Variants in TENM3 observed in about 807,000 individuals in gnomAD.
TENM3 encodes teneurin transmembrane protein 3.
Under a neutral mutation model 255.1 loss-of-function variants are expected in TENM3, and 63 were observed. The observed-to-expected ratio is 0.25, with a 90% CI of 0.20 to 0.30. The LOEUF is 0.30. Ranked by LOEUF, TENM3 falls within the 10% of genes least tolerant of loss-of-function variation. The probability of loss-of-function intolerance (pLI) is 1.00; values close to 1 mark genes in which losing one functional copy is unlikely to be tolerated. For missense variants in TENM3, 2,929 were observed against 3,461.1 expected, an observed-to-expected ratio of 0.85 and a Z score of 3.86; for synonymous variants, 1,306 against 1,322.3, an observed-to-expected ratio of 0.99 and a Z score of 0.27.
chr4:182,034,193 C>A, the TENM3 span, among the ~76,000 whole-genome samples: 1 of 152,280 alleles, frequency 6.6e-6, no homozygotes, highest in Middle Eastern at 3.4e-3. Flanking sequence ...GGAGGCCACT[C>A]CCATGATTCA....
chr4:181,941,835 T>C, the TENM3 span, among the ~76,000 whole-genome samples: 1 of 152,218 alleles, frequency 6.6e-6, no homozygotes, highest in Non-Finnish European at 1.5e-5. Flanking sequence ...TTCACAGGAC[T>C]GACATGAGTG....
chr4:182,166,174 T>C (rs771322937), intron 1 of TENM3, among the ~76,000 whole-genome samples: 5 of 152,232 alleles, frequency 3.3e-5, no homozygotes, highest in Non-Finnish European at 5.9e-5. Context: ...TGTGGCTGTT[T>C]CGTAAAGATA....
the TENM3 span, among the ~76,000 whole-genome samples, chr4:182,067,778 G>C: frequency 6.6e-6 from 1 of 152,134 alleles, no homozygotes; most frequent in Non-Finnish European, 1.5e-5. Context: ...CTGCAGTATA[G>C]GATGATTTCA....
chr4:182,786,417 G>A (rs548406421), intron 24 of TENM3, among the ~76,000 whole-genome samples: 2 of 152,178 alleles, frequency 1.3e-5, no homozygotes, highest in South Asian at 2.1e-4. Flanking sequence ...AATTAGCAAG[G>A]TGTGGTGGCA....
chr4:181,570,236 G>A, the TENM3 span, among the ~76,000 whole-genome samples: 1 of 151,726 alleles, frequency 6.6e-6, no homozygotes, highest in Non-Finnish European at 1.5e-5. Flanking sequence ...TAGTAGAGAC[G>A]GGGTTTCACC....
intron 1 of TENM3, among the ~76,000 whole-genome samples, chr4:182,206,374 C>T (rs1411462611): frequency 2.0e-5 from 3 of 152,160 alleles, no homozygotes; most frequent in African/African-American, 2.4e-5. Context: ...ACCTGGATTC[C>T]CTCTCACTTA....
intron 3 of TENM3, among the ~76,000 whole-genome samples, chr4:182,476,157 A>C (rs1733665728): frequency 6.6e-6 from 1 of 152,198 alleles, no homozygotes; most frequent in Non-Finnish European, 1.5e-5. Context: ...GTCTCATCTA[A>C]TAGCTGAAAC....
At chr4:181,465,597 G>T in the TENM3 span, among the ~76,000 whole-genome samples, 898 of 152,200 alleles carry the variant, frequency 5.9e-3, 4 homozygotes, top group Non-Finnish European at 8.6e-3. Flanking sequence ...ATTTCTTAGC[G>T]GAATTCTAGA....
chr4:181,779,858 A>G, the TENM3 span, among the ~76,000 whole-genome samples: 2 of 152,060 alleles, frequency 1.3e-5, no homozygotes, highest in Non-Finnish European at 2.9e-5. Context: ...TCATTGTTCA[A>G]TTCCCACCTA....
intron 22 of TENM3, among the ~76,000 whole-genome samples, chr4:182,773,005 T>C (rs1437520084): frequency 6.6e-6 from 1 of 152,342 alleles, no homozygotes; most frequent in East Asian, 1.9e-4. Flanking sequence ...CTGAAGATAC[T>C]AAAAGGATTT....
the TENM3 span, among the ~76,000 whole-genome samples, chr4:181,571,250 G>T: frequency 6.6e-6 from 1 of 152,164 alleles, no homozygotes; most frequent in Non-Finnish European, 1.5e-5. Flanking sequence ...AACTACATCC[G>T]TTTCCTAGAT....
chr4:182,269,832 A>G (rs1759497141), intron 1 of TENM3, among the ~76,000 whole-genome samples: 1 of 152,172 alleles, frequency 6.6e-6, no homozygotes, highest in Non-Finnish European at 1.5e-5. Context: ...CAAGGGAGTC[A>G]TGAGAAAGTG....
At chr4:182,272,357 C>G (rs1488901562) in intron 1 of TENM3, among the ~76,000 whole-genome samples, 3 of 152,118 alleles carry the variant, frequency 2.0e-5, no homozygotes, top group Non-Finnish European at 4.4e-5. Flanking sequence ...GAAAAACCAC[C>G]TAGAGTTGAT....
intron 3 of TENM3, among the ~76,000 whole-genome samples, chr4:182,347,634 CTT>C (rs11306301): frequency 6.6e-6 from 1 of 151,958 alleles, no homozygotes; most frequent in African/African-American, 2.4e-5. Context: ...ATTATTGGGA[CTT>C]TTTTTTTCCT....
At chr4:181,902,012 C>T in the TENM3 span, among the ~76,000 whole-genome samples, 4 of 151,762 alleles carry the variant, frequency 2.6e-5, no homozygotes, top group South Asian at 2.1e-4. Context: ...TAGTGTTAAT[C>T]GAATTAGAGC....
At chr4:181,641,399 G>T in the TENM3 span, among the ~76,000 whole-genome samples, 1 of 150,782 alleles carries the variant, frequency 6.6e-6, no homozygotes, top group Non-Finnish European at 1.5e-5. Context: ...TTTGCTCATT[G>T]TTCAGCTCCC....
chr4:181,584,800 C>T, the TENM3 span, among the ~76,000 whole-genome samples: 23 of 152,060 alleles, frequency 1.5e-4, no homozygotes, highest in African/African-American at 5.6e-4. Context: ...GCAACATGCA[C>T]GAACATGGGT....
chr4:181,940,721 T>C, the TENM3 span, among the ~76,000 whole-genome samples: 4 of 152,134 alleles, frequency 2.6e-5, no homozygotes, highest in African/African-American at 9.7e-5. Context: ...AAAGTCCCCG[T>C]GGTAGCCAGC....
the TENM3 span, among the ~76,000 whole-genome samples, chr4:181,630,258 A>G: frequency 1.3e-5 from 2 of 152,256 alleles, no homozygotes; most frequent in East Asian, 3.9e-4. Context: ...CTAGTGGTCT[A>G]TCAATTGTGT....
Sources: gnomAD v4.1 joint callset for allele counts (sites outside exome capture counted in the v4.1 genomes callset) on GRCh38, gnomAD v4.1.1 for gene constraint, MANE v1.5 for transcripts, NCBI Gene and HGNC (gene_info 2026-07-23, HGNC 2026-07-21) for gene names.